The following AGBL1 variants were observed in gnomAD, a reference collection of about 807,000 sequenced individuals.
The protein encoded by AGBL1 is AGBL carboxypeptidase 1, also known as cytosolic carboxypeptidase 4.
Under a neutral mutation model 118.9 loss-of-function variants are expected in AGBL1, and 130 were observed. The observed-to-expected ratio is 1.09, with a 90% CI of 0.95 to 1.26. The LOEUF (loss-of-function observed/expected upper bound fraction) is 1.26. Among genes scored for constraint, AGBL1 ranks in the 50% most tolerant of loss-of-function variants. AGBL1 has a pLI of 0.00. For synonymous variants in AGBL1, 555 were observed against 478.9 expected (o/e 1.16, Z -2.08); for missense variants, 1,584 against 1,298.1 (o/e 1.22, Z -3.38).
intron 23 of AGBL1, among the ~76,000 whole-genome samples, chr15:86,942,863 C>A (rs1294298091): frequency 6.6e-6 from 1 of 152,162 alleles, no homozygotes; most frequent in African/African-American, 2.4e-5. Flanking sequence ...TGTCAATCCA[C>A]CAATAGTTGC....
intron 24 of AGBL1, among the ~76,000 whole-genome samples, chr15:87,013,249 G>A (rs2081579034): frequency 6.6e-6 from 1 of 152,090 alleles, no homozygotes; most frequent in Non-Finnish European, 1.5e-5. Flanking sequence ...TGCCTGCTCT[G>A]TTATCTGAAA....
chr15:87,027,263 T>TA (rs2081738571), intron 24 of AGBL1, among the ~76,000 whole-genome samples: 1 of 151,906 alleles, frequency 6.6e-6, no homozygotes, highest in Admixed American at 6.6e-5. Flanking sequence ...TGGGTATTAT[T>TA]AAAAAGTTAA....
At chr15:86,264,156 T>C (rs2079034752) in intron 10 of AGBL1, 102 bp from the exon 11 acceptor site, 1 of 1,004,294 alleles carries the variant, frequency 1.0e-6, no homozygotes, top group Non-Finnish European at 1.4e-6. Flanking sequence ...ATTCACAGGA[T>C]TTATGCTTAG....
chr15:87,020,107 G>T (rs1299734192), intron 24 of AGBL1, among the ~76,000 whole-genome samples: 1 of 151,968 alleles, frequency 6.6e-6, no homozygotes, highest in Non-Finnish European at 1.5e-5. Context: ...TTCTGATATT[G>T]AGGCAGTAAT....
intron 17 of AGBL1, among the ~76,000 whole-genome samples, chr15:86,359,098 G>A (rs2141916729): frequency 6.6e-6 from 1 of 151,800 alleles, no homozygotes; most frequent in South Asian, 2.1e-4. Flanking sequence ...TCATCACCCA[G>A]GCCAATATTA....
At chr15:86,365,707 T>C (rs1347567049) in intron 17 of AGBL1, among the ~76,000 whole-genome samples, 1 of 152,182 alleles carries the variant, frequency 6.6e-6, no homozygotes, top group African/African-American at 2.4e-5. Flanking sequence ...CATTACTTTT[T>C]AGTTCTGCTT....
rs2141607842 is a variant in AGBL1, at chr15:86,914,304, TG to T, written c.*7011del. ...GGTATTAGAGGAGGAAAAATCTGCC[TG>T]TGTTTCTGCTCTGCTCAGACAATCA... On this transcript the variant is annotated 3_prime_UTR_variant, in exon 23 of 23. Coordinates refer to ENST00000614907, the MANE Select transcript of AGBL1 (RefSeq NM_001386094.1). 2 of 152,332 alleles carry T rather than the reference TG, an allele frequency of 1.3e-5. No homozygotes were observed. Among genetic ancestry groups the T allele is most frequent in the Non-Finnish European group, 2.9e-5 (2 of 68,032 alleles). 9.4% of individuals were successfully genotyped at this position (152,332 alleles called of 1,614,324 possible).
intron 22 of AGBL1, among the ~76,000 whole-genome samples, chr15:86,729,158 A>T (rs1373013683): frequency 6.6e-6 from 1 of 152,204 alleles, no homozygotes; most frequent in African/African-American, 2.4e-5. Context: ...AGGTCTCTAG[A>T]GTATTCTAAA....
chr15:87,021,087 T>G (rs1187450473), intron 24 of AGBL1, among the ~76,000 whole-genome samples: 2 of 152,106 alleles, frequency 1.3e-5, no homozygotes, highest in East Asian at 3.9e-4. Context: ...TCACACTACC[T>G]GGCTTCAAAC....
chr15:86,967,374 T>C (rs2081065452), intron 23 of AGBL1, among the ~76,000 whole-genome samples: 1 of 152,152 alleles, frequency 6.6e-6, no homozygotes, highest in African/African-American at 2.4e-5. Context: ...CCATTGCTTT[T>C]GGTGTTTTAG....
chr15:86,982,771 G>T (rs1017757815), intron 23 of AGBL1, among the ~76,000 whole-genome samples: 1 of 151,880 alleles, frequency 6.6e-6, no homozygotes. Flanking sequence ...TATATAATAC[G>T]AAATAAGTGT....
At chr15:86,544,065 A>C (rs950308530) in intron 19 of AGBL1, among the ~76,000 whole-genome samples, 29 of 152,186 alleles carry the variant, frequency 1.9e-4, no homozygotes, top group African/African-American at 7.0e-4. Flanking sequence ...GGAGGGAAAC[A>C]AATATTTAGA....
chr15:86,978,504 G>T (rs1249366840), intron 23 of AGBL1, among the ~76,000 whole-genome samples: 1 of 152,180 alleles, frequency 6.6e-6, no homozygotes, highest in Non-Finnish European at 1.5e-5. Flanking sequence ...TACTCGTGCA[G>T]CCCTACAGCA....
intron 17 of AGBL1, among the ~76,000 whole-genome samples, chr15:86,351,212 T>A (rs1281779643): frequency 6.6e-6 from 1 of 152,130 alleles, no homozygotes; most frequent in East Asian, 1.9e-4. Context: ...TATCCCATGG[T>A]GGAAGGACAA....
At chr15:86,328,022 C>A (rs779555917) in intron 17 of AGBL1, among the ~76,000 whole-genome samples, 66 of 152,166 alleles carry the variant, frequency 4.3e-4, no homozygotes, top group Non-Finnish European at 8.4e-4. Flanking sequence ...CTCTGTTTTC[C>A]TCTTTCTTAA....
At chr15:86,331,771 C>T (rs2080273034) in intron 17 of AGBL1, among the ~76,000 whole-genome samples, 2 of 152,202 alleles carry the variant, frequency 1.3e-5, no homozygotes, top group Admixed American at 1.3e-4. Context: ...TATCACCAGA[C>T]CAGACTTACA....
At chr15:86,646,594 T>A (rs1596334335) in intron 21 of AGBL1, among the ~76,000 whole-genome samples, 1 of 152,184 alleles carries the variant, frequency 6.6e-6, no homozygotes, top group African/African-American at 2.4e-5. Context: ...TTCTTTTTTT[T>A]AAGTTATTGA....
intron 17 of AGBL1, among the ~76,000 whole-genome samples, chr15:86,372,030 G>A (rs992683351): frequency 6.6e-6 from 1 of 152,112 alleles, no homozygotes; most frequent in Admixed American, 6.5e-5. Context: ...GCATTTCCCC[G>A]AAAGTGCAGT....
intron 23 of AGBL1, among the ~76,000 whole-genome samples, chr15:86,936,320 A>C (rs1451932082): frequency 6.6e-6 from 1 of 152,152 alleles, no homozygotes; most frequent in Non-Finnish European, 1.5e-5. Context: ...AAAAAACAAA[A>C]GTAAATTACT....
Sources: gnomAD v4.1 joint callset for allele counts (sites outside exome capture counted in the v4.1 genomes callset) on GRCh38, gnomAD v4.1.1 for gene constraint, MANE v1.5 for transcripts, NCBI Gene and HGNC (gene_info 2026-07-23, HGNC 2026-07-21) for gene names.